Variants in COPG1 observed in about 807,000 individuals in gnomAD.
COPG1 encodes coatomer subunit gamma-1.
Under a neutral mutation model 102.8 loss-of-function variants are expected in COPG1, and 29 were observed. The observed-to-expected ratio is 0.28, with a 90% CI of 0.21 to 0.38. COPG1 has a LOEUF of 0.38. Among genes scored for constraint, COPG1 ranks in the 10% least tolerant of loss-of-function variants. The probability of loss-of-function intolerance (pLI) is 1.00; values close to 1 mark genes in which losing one functional copy is unlikely to be tolerated. For synonymous variants in COPG1, 406 were observed against 421.6 expected, an observed-to-expected ratio of 0.96 and a Z score of 0.45; for missense variants, 875 against 1,132.7, an observed-to-expected ratio of 0.77 and a Z score of 3.27.
rs969759908 is a variant in COPG1, at chr3:129,277,551, AT to A, written c.*136del. The A allele has an allele frequency of 7.5e-4, 674 of 896,786 alleles. No homozygotes were observed. Among genetic ancestry groups the A allele is most frequent in the Middle Eastern group, 1.5e-3 (4 of 2,668 alleles). 55.6% of individuals were successfully genotyped at this position (896,786 alleles called of 1,614,324 possible). ...GAAAAACAATTAGGAATCATTGCAG[AT>A]TTTTTTTTATTCTGCTCCCACCTCC... is the stretch of plus-strand genomic sequence containing the variant. On this transcript the variant is annotated 3_prime_UTR_variant, in exon 24 of 24. Coordinates refer to ENST00000314797, the MANE Select transcript of COPG1 (RefSeq NM_016128.4).
At chr3:129,269,755 A>G (rs1940150454) in intron 18 of COPG1, among the ~76,000 whole-genome samples, 2 of 152,066 alleles carry the variant, frequency 1.3e-5, no homozygotes, top group South Asian at 2.1e-4. Flanking sequence ...TGGGATCGCT[A>G]TAACATGAAA....
intron 8 of COPG1, 21 bp from the exon 9 acceptor site, chr3:129,257,449 T>G: frequency 6.2e-7 from 1 of 1,613,726 alleles, no homozygotes; most frequent in East Asian, 2.2e-5. Flanking sequence ...TTGTACTCTG[T>G]TGCTGTCTCC....
intron 14 of COPG1, 64 bp from the exon 15 acceptor site, chr3:129,266,960 G>A (rs1454161151): frequency 7.0e-7 from 1 of 1,438,426 alleles, no homozygotes; most frequent in African/African-American, 1.4e-5. Flanking sequence ...CTGAGTGCTG[G>A]AAGTGCCCAA....
chr3:129,252,381 G>C lies in COPG1; in HGVS notation c.171+20G>C, dbSNP rs368150983. 1.3e-6 allele frequency: 2 copies of C among 1,550,076 alleles called. No homozygotes were observed. Among genetic ancestry groups the C allele is most frequent in the Non-Finnish European group, 1.8e-6 (2 of 1,122,172 alleles). On this transcript the variant is annotated intron_variant, in intron 3 of 23. Coordinates refer to ENST00000314797, the MANE Select transcript of COPG1 (RefSeq NM_016128.4). ...AACCAGGTAACAGGGTGAAGCTTGC[G>C]GGTAGGGAGAATGGTGCTGGGGGAT...
intron 12 of COPG1, among the ~76,000 whole-genome samples, chr3:129,262,977 C>T (rs560457081): frequency 7.0e-6 from 1 of 142,856 alleles, no homozygotes; most frequent in Non-Finnish European, 1.5e-5. Context: ...AAGCCGAGAT[C>T]GTGCCACTGC....
chr3:129,275,552 A>C lies in COPG1; in HGVS notation c.2494+260A>C, dbSNP rs1940250570. On this transcript the variant is annotated intron_variant, in intron 23 of 23. Transcript: ENST00000314797. This position sits in a 1 kb window ranked among gnomAD's most constrained non-coding sequence, Gnocchi z 5.0. The stretch of plus-strand genomic sequence containing the variant: ...CTTGCGGTTATTTTATGGCTATAAA[A>C]GCTAATAGGAACGCATTTCCTTTTT... 6.6e-6 allele frequency among the ~76,000 whole-genome samples: 1 copy of C among 152,224 alleles called. No homozygotes were observed. The highest frequency in any genetic ancestry group is 6.5e-5 in the Admixed American group (1 of 15,284).
chr3:129,251,240 A>T (rs1560061081), intron 2 of COPG1, among the ~76,000 whole-genome samples: 3 of 150,738 alleles, frequency 2.0e-5, no homozygotes, highest in African/African-American at 4.9e-5. Flanking sequence ...TTAAACATTT[A>T]AAAAATTTCT....
At position 129,260,265 on chromosome 3, in the gene COPG1, T is replaced by C. The variant is rs4927906; in HGVS notation, c.872-68T>C. The C allele has an allele frequency of 0.033, 46,629 of 1,419,184 alleles. 5,343 individuals carry two copies. The African/African-American group carries it at 0.35, about 11-fold the overall frequency. The allele number at this position is 1,419,184 out of a possible 1,614,324, so 87.9% of individuals were successfully genotyped here. A position where few individuals can be genotyped will look rare whatever the true frequency, so the allele number is the denominator to read the frequency against. On this transcript the variant is annotated intron_variant, in intron 10 of 23. Coordinates refer to ENST00000314797, the MANE Select transcript of COPG1 (RefSeq NM_016128.4). ...GAGCAGAGGGTTTGAGTCAGAACAG[T>C]AGCCCCCGGTTTTCCCAGCTGCCCA...
chr3:129,256,725 C>G (rs556324676), intron 8 of COPG1, among the ~76,000 whole-genome samples: 6 of 152,312 alleles, frequency 3.9e-5, no homozygotes, highest in Non-Finnish European at 7.3e-5. Context: ...TTTATGTATT[C>G]CCTTTATCTC....
At chr3:129,266,312 T>C (rs1374463879) in intron 14 of COPG1, among the ~76,000 whole-genome samples, 1 of 152,018 alleles carries the variant, frequency 6.6e-6, no homozygotes, top group East Asian at 1.9e-4. Flanking sequence ...TTTTTTTAAT[T>C]GAGACGGGGT....
chr3:129,277,532 C>A lies in COPG1; in HGVS notation c.*108C>A. On this transcript the variant is annotated 3_prime_UTR_variant, in exon 24 of 24. Transcript: ENST00000314797. ...CTTCCCAAGCTTCTGTATTGAAAAA[C>A]AATTAGGAATCATTGCAGATTTTTT... is the stretch of plus-strand genomic sequence containing the variant. 26 of 1,144,122 alleles carry A rather than the reference C, an allele frequency of 2.3e-5. No individual in the cohort carries two copies. The highest frequency in any genetic ancestry group is 2.8e-4 in the Middle Eastern group (1 of 3,586). 70.9% of individuals were successfully genotyped at this position (1,144,122 alleles called of 1,614,324 possible). A position where few individuals can be genotyped will look rare whatever the true frequency, so the allele number is the denominator to read the frequency against.
rs754240605 is a variant in COPG1, at chr3:129,271,458, A to G, written c.1844-309A>G. Among the ~76,000 whole-genome samples the G allele has an allele frequency of 3.9e-5, 6 of 152,142 alleles. No individual in the cohort carries two copies. The highest frequency in any genetic ancestry group is 7.3e-5 in the Non-Finnish European group (5 of 68,030). ...GGGCGGAAATCCTTGCTAAGCTTCT[A>G]TAGCTGGGGGATTCTCCAATTAGGT... is the stretch of plus-strand genomic sequence containing the variant. On this transcript the variant is annotated intron_variant, in intron 18 of 23. Coordinates refer to ENST00000314797, the MANE Select transcript of COPG1 (RefSeq NM_016128.4). The surrounding 1 kb of genome is among the most constrained non-coding windows in gnomAD (Gnocchi z 4.7).
At chr3:129,276,823 CTTT>C (rs34883126) in intron 23 of COPG1, among the ~76,000 whole-genome samples, 10 of 129,940 alleles carry the variant, frequency 7.7e-5, no homozygotes, top group Admixed American at 3.2e-4. Context: ...CAGTGACTTT[CTTT>C]TTTTTTTTTT....
intron 10 of COPG1, 63 bp downstream of exon 10, chr3:129,257,923 T>G: frequency 6.3e-7 from 1 of 1,584,232 alleles, no homozygotes; most frequent in South Asian, 1.1e-5. Flanking sequence ...AGGCCTGGGT[T>G]CCCGGGCTAG....
chr3:129,264,676 G>T lies in COPG1; in HGVS notation c.1224+677G>T, dbSNP rs530161611. Among the ~76,000 whole-genome samples, 11 of 152,206 alleles carry T rather than the reference G, an allele frequency of 7.2e-5. No homozygotes were observed. In the East Asian group the frequency reaches 2.1e-3, roughly 29 times the overall value. On this transcript the variant is annotated intron_variant, in intron 13 of 23. Transcript: ENST00000314797. Reference sequence around the variant, plus strand: ...TTTGTTTTTTTTAAGTAGAGATGGGGTCTTGCTGGGTTGCCCAGGCTGGTC... The same window carrying T: ...TTTGTTTTTTTTAAGTAGAGATGGGTTCTTGCTGGGTTGCCCAGGCTGGTC...
chr3:129,268,038 A>G lies in COPG1; in HGVS notation c.1646A>G (p.Asn549Ser), dbSNP rs772846398. Reference sequence around the variant, plus strand: ...GCCCTTAATGCAGGCTATATCCTAAATGGTGAGTCATTCCCTGGCTATCTT... The same window carrying G: ...GCCCTTAATGCAGGCTATATCCTAAGTGGTGAGTCATTCCCTGGCTATCTT... Reference protein sequence around the residue: ...QKALNAGYILNGLTVSIPGLE... With the variant: ...QKALNAGYILSGLTVSIPGLE... Residue 549 changes from asparagine (N) to serine (S), a missense_variant and splice_region_variant, in exon 16 of 24, where the codon AAT (asparagine) becomes AGT (serine). By Grantham distance (46) the Asn-to-Ser change is conservative (BLOSUM62 1). Coordinates refer to ENST00000314797, the MANE Select transcript of COPG1 (RefSeq NM_016128.4). 39 of 1,611,146 alleles carry G rather than the reference A, an allele frequency of 2.4e-5. No homozygotes were observed. The highest frequency in any genetic ancestry group is 3.2e-5 in the Non-Finnish European group (38 of 1,177,580).
rs2107678064 is a variant in COPG1, at chr3:129,268,561, A to C, written c.1715A>C (p.Lys572Thr). 6.2e-7 allele frequency: 1 copy of C among 1,614,124 alleles called. No individual in the cohort carries two copies. Among genetic ancestry groups the C allele is most frequent in the East Asian group, 2.2e-5 (1 of 44,874 alleles). Residue 572 changes from lysine (K) to threonine (T), a missense_variant, in exon 17 of 24, where the codon AAA (lysine) becomes ACA (threonine). Coordinates refer to ENST00000314797, the MANE Select transcript of COPG1 (RefSeq NM_016128.4). ...LQQYTLEPSE[K>T]PFDLKSVPLA... is the part of the protein sequence containing the mutation. Reference sequence around the variant, plus strand: ...CAGTACACTCTAGAACCATCAGAAAAACCTTTTGACCTCAAGTCTGTGCCC... The same window carrying C: ...CAGTACACTCTAGAACCATCAGAAACACCTTTTGACCTCAAGTCTGTGCCC...
In COPG1 at chr3:129,249,764, G is replaced by C; in HGVS notation, c.37+18G>C. 1 of 1,550,206 alleles carries C rather than the reference G, an allele frequency of 6.5e-7. No individual in the cohort carries two copies. The highest frequency in any genetic ancestry group is 8.7e-7 in the Non-Finnish European group (1 of 1,146,172). ...GGAGTCAGGTGAGGGGGCCAGGCCT[G>C]GGTCTGAGGGAGGCCGGACCCCCAC... On this transcript the variant is annotated intron_variant, in intron 1 of 23. Coordinates refer to ENST00000314797, the MANE Select transcript of COPG1 (RefSeq NM_016128.4).
intron 14 of COPG1, 95 bp from the exon 15 acceptor site, chr3:129,266,929 T>C (rs1370167397): frequency 2.9e-6 from 3 of 1,048,136 alleles, no homozygotes; most frequent in Admixed American, 1.8e-5. Context: ...CCTCTGGGGC[T>C]CTTCTGCCTG....
Sources: allele counts gnomAD v4.1 joint callset (sites outside exome capture counted in the v4.1 genomes callset), GRCh38; gene constraint gnomAD v4.1.1; non-coding constraint Gnocchi (gnomAD v3.1); transcripts MANE v1.5; gene names NCBI Gene and HGNC (gene_info 2026-07-23, HGNC 2026-07-21).